The following ATRNL1 variants were observed in gnomAD, a reference collection of about 807,000 sequenced individuals.
ATRNL1 encodes attractin like 1.
ATRNL1 carries 95 observed loss-of-function variants against 182.7 expected under a neutral mutation model. The ratio of observed to expected loss-of-function variants is 0.52; its 90% CI spans 0.44 to 0.62. The LOEUF (loss-of-function observed/expected upper bound fraction) is 0.62. Ranked by LOEUF, ATRNL1 falls within the 20% of genes least tolerant of loss-of-function variation. ATRNL1 has a pLI of 0.00. For synonymous variants in ATRNL1, 576 were observed against 568.3 expected, an observed-to-expected ratio of 1.01 and a Z score of -0.19; for missense variants, 1,471 against 1,679.5, an observed-to-expected ratio of 0.88 and a Z score of 2.17.
intron 3 of ATRNL1, among the ~76,000 whole-genome samples, chr10:115,125,495 TA>T (rs1284542187): frequency 7.2e-5 from 11 of 151,976 alleles, no homozygotes; most frequent in African/African-American, 1.9e-4. Flanking sequence ...GGAGAAGTGT[TA>T]TTTTTTTTTT....
At chr10:115,762,072 C>G (rs1417539589) in intron 27 of ATRNL1, among the ~76,000 whole-genome samples, 1 of 152,096 alleles carries the variant, frequency 6.6e-6, no homozygotes, top group Non-Finnish European at 1.5e-5. Context: ...TCATTATTCA[C>G]CAAAGCTTCT....
rs117461890 is a variant in ATRNL1, at chr10:115,501,524, C to T, written c.3655-17739C>T. Among the ~76,000 whole-genome samples the T allele has an allele frequency of 9.0e-4, 137 of 152,218 alleles. 1 individual carries two copies. In the East Asian group the frequency reaches 0.016, roughly 18 times the overall value. On this transcript the variant is annotated intron_variant, in intron 24 of 28. Transcript: ENST00000355044. ...ATGCTTTGGTAAAAATAACCCATTT[C>T]TTCAGTCATGTACTGTTACAAATTA... is the stretch of plus-strand genomic sequence containing the variant.
At chr10:115,934,686 T>A (rs2134602966) in intron 28 of ATRNL1, among the ~76,000 whole-genome samples, 1 of 152,250 alleles carries the variant, frequency 6.6e-6, no homozygotes, top group Non-Finnish European at 1.5e-5. Flanking sequence ...CACCCCCTAC[T>A]CCAGTCTGTC....
chr10:115,672,797 G>A (rs1945740516), intron 26 of ATRNL1, among the ~76,000 whole-genome samples: 1 of 151,834 alleles, frequency 6.6e-6, no homozygotes, highest in Non-Finnish European at 1.5e-5. Flanking sequence ...ATCTCATTTG[G>A]GGGAAAGAAG....
chr10:115,455,998 A>G (rs1348076500), intron 21 of ATRNL1, among the ~76,000 whole-genome samples: 1 of 152,186 alleles, frequency 6.6e-6, no homozygotes, highest in African/African-American at 2.4e-5. Context: ...GATGCTGGAG[A>G]GGATGTGGAG....
At chr10:115,225,447 G>T (rs1489772013) in intron 9 of ATRNL1, among the ~76,000 whole-genome samples, 2 of 133,466 alleles carry the variant, frequency 1.5e-5, no homozygotes, top group Non-Finnish European at 3.4e-5. Context: ...CATTGTATTG[G>T]AATTTCCAGC....
intron 1 of ATRNL1, among the ~76,000 whole-genome samples, chr10:115,099,507 A>G (rs2085107336): frequency 6.6e-6 from 1 of 152,208 alleles, no homozygotes; most frequent in Non-Finnish European, 1.5e-5. Context: ...AAAGAAACCG[A>G]CAAACTGTTT....
chr10:115,289,009 G>A (rs1554920022), intron 15 of ATRNL1, among the ~76,000 whole-genome samples: 1 of 152,090 alleles, frequency 6.6e-6, no homozygotes, highest in Non-Finnish European at 1.5e-5. Flanking sequence ...AGACATATCC[G>A]AGACTGGGGA....
chr10:115,541,963 A>C (rs1299854459), intron 25 of ATRNL1, among the ~76,000 whole-genome samples: 1 of 152,158 alleles, frequency 6.6e-6, no homozygotes, highest in African/African-American at 2.4e-5. Context: ...AGGTTTTCAA[A>C]ATAATTAAAA....
At chr10:115,395,727 G>T (rs1844253955) in intron 20 of ATRNL1, among the ~76,000 whole-genome samples, 1 of 151,346 alleles carries the variant, frequency 6.6e-6, no homozygotes, top group South Asian at 2.1e-4. Flanking sequence ...AATGATTTTT[G>T]TCTTAGCATT....
In ATRNL1 at chr10:115,860,289, C is replaced by G. The variant is rs543620534; in HGVS notation, c.4018+12298C>G. Among the ~76,000 whole-genome samples the G allele has an allele frequency of 4.6e-5, 7 of 152,258 alleles. No homozygotes were observed. The East Asian group carries it at 1.4e-3, about 29-fold the overall frequency. ...AATCTGGATGCAGTGACCATACATT[C>G]AGTTCCATTTATTCAACAAGCCAGG... On this transcript the variant is annotated intron_variant, in intron 28 of 28. Transcript: ENST00000355044.
chr10:115,934,205 A>G (rs1953487501), intron 28 of ATRNL1, among the ~76,000 whole-genome samples: 1 of 152,132 alleles, frequency 6.6e-6, no homozygotes, highest in Non-Finnish European at 1.5e-5. Flanking sequence ...ATCCCCTTCC[A>G]GACAGCCTGC....
chr10:115,532,636 G>T (rs1206090144), intron 25 of ATRNL1, among the ~76,000 whole-genome samples: 57 of 150,268 alleles, frequency 3.8e-4, no homozygotes, highest in Admixed American at 2.0e-4. Context: ...CTGCCTAATT[G>T]CCCTGGCCAG....
At chr10:115,908,816 G>A (rs565466822) in intron 28 of ATRNL1, among the ~76,000 whole-genome samples, 1 of 152,122 alleles carries the variant, frequency 6.6e-6, no homozygotes, top group South Asian at 2.1e-4. Context: ...TGCTTCTAAA[G>A]TTGCTGCTGC....
chr10:115,315,853 C>T, intron 18 of ATRNL1, 117 bp downstream of exon 18: 1 of 780,392 alleles, frequency 1.3e-6, no homozygotes, highest in Non-Finnish European at 2.0e-6. Context: ...GAAAATGAGA[C>T]TAAAATGTCA....
At chr10:115,589,506 T>TA (rs1855777366) in intron 26 of ATRNL1, among the ~76,000 whole-genome samples, 2 of 152,174 alleles carry the variant, frequency 1.3e-5, no homozygotes, top group Non-Finnish European at 2.9e-5. Flanking sequence ...GTAATTGTAT[T>TA]AGAGTTCCAG....
intron 24 of ATRNL1, among the ~76,000 whole-genome samples, chr10:115,484,490 T>A (rs80301348): frequency 1.6e-4 from 24 of 151,812 alleles, no homozygotes; most frequent in Non-Finnish European, 3.0e-4. Flanking sequence ...TTCATACTTT[T>A]ATTATATACA....
At chr10:115,431,485 A>G (rs1846162784) in intron 21 of ATRNL1, among the ~76,000 whole-genome samples, 1 of 152,094 alleles carries the variant, frequency 6.6e-6, no homozygotes, top group African/African-American at 2.4e-5. Context: ...CGGTAAAAAC[A>G]AATTTTCGCT....
intron 27 of ATRNL1, among the ~76,000 whole-genome samples, chr10:115,828,008 T>C (rs1242536875): frequency 6.6e-6 from 1 of 151,872 alleles, no homozygotes; most frequent in Non-Finnish European, 1.5e-5. Context: ...TGGAATGGAA[T>C]GAATGCTTCA....
Sources: allele counts gnomAD v4.1 joint callset (sites outside exome capture counted in the v4.1 genomes callset), GRCh38; gene constraint gnomAD v4.1.1; transcripts MANE v1.5; gene names NCBI Gene and HGNC (gene_info 2026-07-23, HGNC 2026-07-21).